TRIO: variants seen among roughly 807,000 people sequenced by gnomAD.
The protein encoded by TRIO is trio Rho guanine nucleotide exchange factor.
Under a neutral mutation model 351.9 loss-of-function variants are expected in TRIO, and 58 were observed. The ratio of observed to expected loss-of-function variants is 0.16; its 90% confidence interval spans 0.13 to 0.21. TRIO has a LOEUF of 0.21. TRIO is among the 10% of genes least tolerant of loss of function. The pLI is 1.00. For missense variants in TRIO, 3,201 were observed against 4,027.8 expected (o/e 0.79, Z 5.56); for synonymous variants, 1,758 against 1,595.7 (o/e 1.10, Z -2.42).
chr5:14,424,071 A>G (rs1750417711), intron 34 of TRIO, among the ~76,000 whole-genome samples: 1 of 152,040 alleles, frequency 6.6e-6, no homozygotes, highest in Non-Finnish European at 1.5e-5. Flanking sequence ...ATAAAATGAA[A>G]TGGGCTTTAA....
At position 14,487,679 on chromosome 5, in the gene TRIO, G is replaced by C. The variant is rs199638306; in HGVS notation, c.7051G>C (p.Val2351Leu). The C allele has an allele frequency of 2.8e-6, 4 of 1,408,826 alleles. No homozygotes were observed. Among genetic ancestry groups the C allele is most frequent in the South Asian group, 1.5e-5 (1 of 64,892 alleles). 87.3% of individuals were successfully genotyped at this position (1,408,826 alleles called of 1,614,324 possible). ...IPQPVRHHPP[V>L]LVSSAASSQA... ...CCAGCCTGTCCGACACCACCCCCCC[G>C]TGCTGGTCTCCTCTGCAGCCTCGAG... The change falls in exon 48 of 57, where the codon GTG (valine) becomes CTG (leucine). Residue 2351 changes from valine (V) to leucine (L), a missense_variant. Around this residue, in one of 19 missense-constraint regions of TRIO, gnomAD observed 1,089 missense variants for 954.9 expected, o/e 1.14. Transcript: ENST00000344204.
At chr5:14,246,355 C>T (rs375774627) in intron 1 of TRIO, among the ~76,000 whole-genome samples, 2 of 152,086 alleles carry the variant, frequency 1.3e-5, no homozygotes, top group East Asian at 3.8e-4. Flanking sequence ...TGTGGAACTT[C>T]GTTAATATTT....
intron 27 of TRIO, among the ~76,000 whole-genome samples, chr5:14,391,762 T>C (rs571914101): frequency 2.2e-4 from 34 of 152,376 alleles, no homozygotes; most frequent in Middle Eastern, 3.4e-3. Flanking sequence ...GTGCATGGAC[T>C]GGTGGGATCA....
At chr5:14,408,035 G>C (rs559360489) in intron 33 of TRIO, among the ~76,000 whole-genome samples, 1 of 152,316 alleles carries the variant, frequency 6.6e-6, no homozygotes, top group South Asian at 2.1e-4. Flanking sequence ...CCCATCATGA[G>C]ACCCGGGAGT....
intron 4 of TRIO, among the ~76,000 whole-genome samples, chr5:14,290,099 C>A (rs1194140632): frequency 6.6e-6 from 1 of 152,158 alleles, no homozygotes; most frequent in Non-Finnish European, 1.5e-5. Flanking sequence ...ATCCCATCAT[C>A]TGTTATTTGA....
intron 54 of TRIO, 78 bp from the exon 55 acceptor site, chr5:14,504,315 C>A: frequency 6.6e-7 from 1 of 1,512,146 alleles, no homozygotes. Flanking sequence ...CACAGCCAGT[C>A]CATTTAGGAT....
chr5:14,343,543 A>C (rs62344979), intron 11 of TRIO, among the ~76,000 whole-genome samples: 14,519 of 152,140 alleles, frequency 0.095, 1,066 homozygotes, highest in African/African-American at 0.21. Flanking sequence ...TTTTTAACTC[A>C]GCACAATTCC....
chr5:14,287,229 T>A, intron 4 of TRIO, 166 bp downstream of exon 4: 1 of 684,294 alleles, frequency 1.5e-6, no homozygotes, highest in Non-Finnish European at 2.4e-6. Context: ...ATAACAGAGC[T>A]GCGTTCATCA....
At chr5:14,418,457 C>G (rs1347511552) in intron 33 of TRIO, among the ~76,000 whole-genome samples, 1 of 152,088 alleles carries the variant, frequency 6.6e-6, no homozygotes, top group Non-Finnish European at 1.5e-5. Flanking sequence ...ATCGGAGAGC[C>G]GCGCAACATC....
At chr5:14,432,120 G>A (rs998008523) in intron 34 of TRIO, among the ~76,000 whole-genome samples, 4 of 152,116 alleles carry the variant, frequency 2.6e-5, no homozygotes, top group African/African-American at 4.8e-5. Context: ...CATGGGGTGC[G>A]GACTTGCCAT....
intron 1 of TRIO, among the ~76,000 whole-genome samples, chr5:14,150,424 CACA>C (rs1487098817): frequency 6.6e-6 from 1 of 151,784 alleles, no homozygotes; most frequent in Non-Finnish European, 1.5e-5. Context: ...CACACATGCA[CACA>C]ACACACACAC....
chr5:14,394,422 T>A (rs1747382944), intron 28 of TRIO, among the ~76,000 whole-genome samples: 2 of 152,196 alleles, frequency 1.3e-5, no homozygotes, highest in South Asian at 4.1e-4. Context: ...GCTTGCTGAC[T>A]GCGGGCCAGG....
At chr5:14,233,379 A>G (rs889833044) in intron 1 of TRIO, among the ~76,000 whole-genome samples, 11 of 150,238 alleles carry the variant, frequency 7.3e-5, no homozygotes, top group Non-Finnish European at 1.3e-4. Flanking sequence ...AGTCCCAGCT[A>G]CTTGGGAGGC....
chr5:14,262,256 C>T (rs772065199), intron 1 of TRIO, among the ~76,000 whole-genome samples: 3 of 149,292 alleles, frequency 2.0e-5, no homozygotes, highest in South Asian at 2.1e-4. Flanking sequence ...TGCATCTTGG[C>T]GGTGTCTAGT....
chr5:14,179,179 G>A (rs908501876), intron 1 of TRIO, among the ~76,000 whole-genome samples: 2 of 147,568 alleles, frequency 1.4e-5, no homozygotes, highest in Non-Finnish European at 3.0e-5. Flanking sequence ...CACCCACCCC[G>A]CTTTGGCCCC....
intron 1 of TRIO, among the ~76,000 whole-genome samples, chr5:14,246,428 C>T (rs1477064812): frequency 1.3e-5 from 2 of 152,180 alleles, no homozygotes; most frequent in Non-Finnish European, 2.9e-5. Flanking sequence ...AAAGCGCAGC[C>T]AGGAATAGGC....
At chr5:14,289,932 T>C (rs1736764743) in intron 4 of TRIO, among the ~76,000 whole-genome samples, 1 of 152,244 alleles carries the variant, frequency 6.6e-6, no homozygotes, top group South Asian at 2.1e-4. Flanking sequence ...AATTGCAATG[T>C]AGTACAGATT....
At chr5:14,418,820 A>C (rs1020459745) in intron 33 of TRIO, 1 of 152,380 alleles carries the variant, frequency 6.6e-6, no homozygotes, top group Non-Finnish European at 1.5e-5. Flanking sequence ...AAACAATGAA[A>C]AGATTCTTAG....
intron 34 of TRIO, among the ~76,000 whole-genome samples, chr5:14,428,261 T>A (rs1382012878): frequency 6.6e-6 from 1 of 152,232 alleles, no homozygotes; most frequent in East Asian, 1.9e-4. Flanking sequence ...TTTAGACATT[T>A]GATTCATGCC....
Sources: gnomAD v4.1 joint callset for allele counts (sites outside exome capture counted in the v4.1 genomes callset) on GRCh38, gnomAD v4.1.1 for gene constraint, gnomAD v4.1.1 regional missense constraint, MANE v1.5 for transcripts, NCBI Gene and HGNC (gene_info 2026-07-23, HGNC 2026-07-21) for gene names.